Variants in ROBO2 observed in about 807,000 individuals in gnomAD.
ROBO2 encodes roundabout homolog 2.
ROBO2 carries 53 observed loss-of-function variants against 160.8 expected under a neutral mutation model. The ratio of observed to expected loss-of-function variants is 0.33; its 90% CI spans 0.26 to 0.41. The LOEUF is 0.41. Ranked by LOEUF, ROBO2 falls within the 10% of genes least tolerant of loss-of-function variation. The pLI, the probability that ROBO2 is intolerant of heterozygous loss-of-function variation, is 1.00. For missense variants in ROBO2, 1,577 were observed against 1,722.4 expected, an observed-to-expected ratio of 0.92 and a Z score of 1.49; for synonymous variants, 664 against 611.7, an observed-to-expected ratio of 1.09 and a Z score of -1.26.
intron 2 of ROBO2, among the ~76,000 whole-genome samples, chr3:77,352,212 T>G (rs1479919191): frequency 6.6e-6 from 1 of 150,936 alleles, no homozygotes; most frequent in African/African-American, 2.4e-5. Flanking sequence ...AATGAATGAT[T>G]TATGCTCTCT....
chr3:76,255,894 TAAAAA>T (rs112751606), intron 2 of ROBO2, among the ~76,000 whole-genome samples: 1 of 150,836 alleles, frequency 6.6e-6, no homozygotes, highest in African/African-American at 2.4e-5. Context: ...AGGACACAAT[TAAAAA>T]AAAACCACAC....
chr3:76,876,195 A>G (rs573062560), intron 2 of ROBO2, among the ~76,000 whole-genome samples: 2 of 152,318 alleles, frequency 1.3e-5, no homozygotes, highest in African/African-American at 4.8e-5. Flanking sequence ...GAATTTGAGA[A>G]GAATCACTTT....
intron 2 of ROBO2, among the ~76,000 whole-genome samples, chr3:77,468,319 C>G (rs1016502329): frequency 6.6e-6 from 1 of 152,178 alleles, no homozygotes; most frequent in Non-Finnish European, 1.5e-5. Flanking sequence ...TTGCCAGAGA[C>G]AGGCCTAGAG....
chr3:76,818,325 C>G (rs2065860168), intron 2 of ROBO2, among the ~76,000 whole-genome samples: 1 of 151,748 alleles, frequency 6.6e-6, no homozygotes, highest in Non-Finnish European at 1.5e-5. Context: ...CCTTATCCCA[C>G]TTTTTGATGG....
chr3:76,149,770 G>A (rs1372555570), intron 2 of ROBO2, among the ~76,000 whole-genome samples: 2 of 137,212 alleles, frequency 1.5e-5, no homozygotes, highest in Admixed American at 1.4e-4. Context: ...GCACACATCT[G>A]TCTAAAGCAC....
chr3:76,748,084 ATCTTGAT>A (rs1195132904), intron 2 of ROBO2, among the ~76,000 whole-genome samples: 1 of 151,966 alleles, frequency 6.6e-6, no homozygotes, highest in African/African-American at 2.4e-5. Flanking sequence ...GTCAAAAAAC[ATCTTGAT>A]TCTCCTATTC....
intron 2 of ROBO2, among the ~76,000 whole-genome samples, chr3:76,436,940 C>T (rs968458541): frequency 4.0e-4 from 61 of 152,244 alleles, no homozygotes; most frequent in African/African-American, 1.3e-3. Flanking sequence ...CTATGCTCAT[C>T]GACCTAGCAA....
At chr3:76,872,881 GAAAA>G (rs1018312278) in intron 2 of ROBO2, among the ~76,000 whole-genome samples, 1 of 150,172 alleles carries the variant, frequency 6.7e-6, no homozygotes, top group African/African-American at 2.4e-5. Flanking sequence ...GGCTAGGGAG[GAAAA>G]AAAAATCACA....
intron 2 of ROBO2, among the ~76,000 whole-genome samples, chr3:77,133,981 A>AATC (rs1192496822): frequency 1.3e-5 from 2 of 152,324 alleles, no homozygotes; most frequent in South Asian, 2.1e-4. Context: ...ACATAAAAAC[A>AATC]ATCTAACCAA....
chr3:76,881,185 A>G (rs917794609), intron 2 of ROBO2, among the ~76,000 whole-genome samples: 1 of 152,188 alleles, frequency 6.6e-6, no homozygotes, highest in Admixed American at 6.5e-5. Context: ...CTCTTTCTCT[A>G]TTATTAAATT....
intron 2 of ROBO2, among the ~76,000 whole-genome samples, chr3:77,295,692 G>T (rs1231958151): frequency 6.7e-6 from 1 of 149,142 alleles, no homozygotes; most frequent in Non-Finnish European, 1.5e-5. Flanking sequence ...TAAACGGGAA[G>T]TTGAGGCTAG....
intron 2 of ROBO2, among the ~76,000 whole-genome samples, chr3:77,189,721 A>T (rs1160144906): frequency 6.6e-6 from 1 of 151,912 alleles, no homozygotes; most frequent in Non-Finnish European, 1.5e-5. Context: ...TTAGAGGCAA[A>T]AACTATTTCG....
At chr3:77,028,705 C>T (rs1490784398) in intron 2 of ROBO2, among the ~76,000 whole-genome samples, 8 of 151,972 alleles carry the variant, frequency 5.3e-5, no homozygotes, top group East Asian at 3.9e-4. Context: ...GGTGACAGAG[C>T]GAGACTCCGT....
intron 7 of ROBO2, among the ~76,000 whole-genome samples, 153 bp downstream of exon 8, chr3:77,546,615 A>T (rs2092707408): frequency 6.6e-6 from 1 of 152,148 alleles, no homozygotes; most frequent in South Asian, 2.1e-4. Flanking sequence ...AGTAGGAGTC[A>T]GATGTTCTAG....
chr3:77,032,432 A>G (rs2063380912), intron 2 of ROBO2, among the ~76,000 whole-genome samples: 3 of 152,210 alleles, frequency 2.0e-5, no homozygotes, highest in Admixed American at 2.0e-4. Flanking sequence ...GGTATATTGC[A>G]GTGCTTGTCA....
At chr3:76,381,690 T>C (rs2108559413) in intron 2 of ROBO2, among the ~76,000 whole-genome samples, 1 of 152,294 alleles carries the variant, frequency 6.6e-6, no homozygotes, top group African/African-American at 2.4e-5. Flanking sequence ...ATTGCATGCT[T>C]ACAATGCAAT....
chr3:77,468,069 G>A (rs1247728624), intron 2 of ROBO2, among the ~76,000 whole-genome samples: 1 of 152,298 alleles, frequency 6.6e-6, no homozygotes, highest in East Asian at 1.9e-4. Context: ...TGAGCTTTCT[G>A]TGATTTCGGA....
chr3:75,928,130 G>A (rs1382602728), intron 1 of ROBO2, among the ~76,000 whole-genome samples: 2 of 151,822 alleles, frequency 1.3e-5, no homozygotes, highest in African/African-American at 4.8e-5. Context: ...GATTACAGGC[G>A]TGAGCCACCA....
At chr3:77,269,076 G>A (rs1343204288) in intron 2 of ROBO2, among the ~76,000 whole-genome samples, 1 of 151,864 alleles carries the variant, frequency 6.6e-6, no homozygotes, top group African/African-American at 2.4e-5. Context: ...TACCAGATCA[G>A]GTTTCATATC....
Sources: allele counts gnomAD v4.1 joint callset (sites outside exome capture counted in the v4.1 genomes callset), GRCh38; gene constraint gnomAD v4.1.1; transcripts MANE v1.5; gene names NCBI Gene and HGNC (gene_info 2026-07-23, HGNC 2026-07-21).